GSE1: variants seen among roughly 807,000 people sequenced by gnomAD.
GSE1 encodes the protein genetic suppressor element 1.
GSE1 carries 32 observed loss-of-function variants against 112.6 expected under a neutral mutation model. The ratio of observed to expected loss-of-function variants is 0.28; its 90% CI spans 0.21 to 0.38. GSE1 has a LOEUF of 0.38. Ranked by LOEUF, GSE1 falls within the 10% of genes least tolerant of loss-of-function variation. The probability of loss-of-function intolerance (pLI) is 1.00; values close to 1 mark genes in which losing one functional copy is unlikely to be tolerated. For missense variants in GSE1, 2,348 were observed against 1,699.2 expected, an observed-to-expected ratio of 1.38 and a Z score of -6.71; for synonymous variants, 1,115 against 735.6, an observed-to-expected ratio of 1.52 and a Z score of -8.35.
intron 1 of GSE1, among the ~76,000 whole-genome samples, chr16:85,576,293 A>G (rs934737711): frequency 5.3e-5 from 8 of 152,240 alleles, no homozygotes; most frequent in Admixed American, 1.3e-4. Flanking sequence ...TTAAAGGGAC[A>G]TGGTCTCCGA....
chr16:85,666,643 G>C (rs1038295703), intron 13 of GSE1: 2 of 403,228 alleles, frequency 5.0e-6, no homozygotes, highest in African/African-American at 2.1e-5. Context: ...ACAGGCATTG[G>C]TTTTTGCAGA....
intron 1 of GSE1, among the ~76,000 whole-genome samples, chr16:85,263,094 G>A (rs1162943561): frequency 6.6e-6 from 1 of 151,942 alleles, no homozygotes; most frequent in Non-Finnish European, 1.5e-5. Flanking sequence ...GCTAATTAGC[G>A]ACGCGTAGTG....
At chr16:85,367,349 C>G (rs529732948) in intron 2 of GSE1, among the ~76,000 whole-genome samples, 87 of 152,342 alleles carry the variant, frequency 5.7e-4, no homozygotes, top group African/African-American at 2.0e-3. Context: ...CCTTTGTTCA[C>G]AAGTGTTGAT....
At chr16:85,645,798 T>G (rs2050806510) in intron 2 of GSE1, among the ~76,000 whole-genome samples, 1 of 152,210 alleles carries the variant, frequency 6.6e-6, no homozygotes, top group African/African-American at 2.4e-5. Flanking sequence ...AAAGGGCATC[T>G]ACCTGCTTCT....
At chr16:85,557,497 C>G (rs958087844) in intron 1 of GSE1, among the ~76,000 whole-genome samples, 1 of 151,738 alleles carries the variant, frequency 6.6e-6, no homozygotes, top group Non-Finnish European at 1.5e-5. Context: ...CTGCAGAAGA[C>G]GCTGCCCTGG....
chr16:85,666,816 C>G (rs2052900618), intron 13 of GSE1, among the ~76,000 whole-genome samples: 1 of 152,244 alleles, frequency 6.6e-6, no homozygotes, highest in African/African-American at 2.4e-5. Context: ...CACCACCAGC[C>G]CTCTGGATCC....
rs187286848 is a variant in GSE1 at position 85,469,773 on chromosome 16, C to T, written c.2464+112130C>T. 1.2e-3 allele frequency among the ~76,000 whole-genome samples: 177 copies of T among 152,274 alleles called. 2 individuals are homozygous for T. The highest frequency in any genetic ancestry group is 3.9e-3 in the African/African-American group (162 of 41,554). On this transcript the variant is annotated intron_variant, in intron 2 of 2. Transcript: ENST00000637419. ...GCTGACTGGAGGAAGGTCATTTTCC[C>T]GTCTGAAATGCGCCTTGCAAAAATC...
At chr16:85,349,332 A>C (rs1451581137) in intron 1 of GSE1, among the ~76,000 whole-genome samples, 2 of 152,176 alleles carry the variant, frequency 1.3e-5, no homozygotes, top group South Asian at 2.1e-4. Flanking sequence ...GGCTTCTGAC[A>C]CACTAGCTTG....
intron 1 of GSE1, among the ~76,000 whole-genome samples, chr16:85,273,349 G>C (rs996126644): frequency 6.6e-6 from 1 of 152,248 alleles, no homozygotes; most frequent in African/African-American, 2.4e-5. Flanking sequence ...AAGGGAACGT[G>C]TGCCCAGATG....
At chr16:85,624,144 GCCGTCCCACGGAAA>G (rs1220791339) in intron 1 of GSE1, among the ~76,000 whole-genome samples, 1 of 152,164 alleles carries the variant, frequency 6.6e-6, no homozygotes, top group Non-Finnish European at 1.5e-5. Context: ...GCCGCCACCC[GCCGTCCCACGGAAA>G]CTTGGAGACC....
At chr16:85,205,958 G>A (rs1350119373) in intron 1 of GSE1, among the ~76,000 whole-genome samples, 3 of 152,326 alleles carry the variant, frequency 2.0e-5, no homozygotes, top group South Asian at 2.1e-4. Context: ...CCTCCCTCAC[G>A]GAGCTTCCAG....
At chr16:85,212,266 C>T (rs1009241118) in intron 1 of GSE1, among the ~76,000 whole-genome samples, 1 of 152,068 alleles carries the variant, frequency 6.6e-6, no homozygotes, top group Non-Finnish European at 1.5e-5. Context: ...ATTAGCTGGG[C>T]ATGGTGGCAG....
Position 85,500,892 on chromosome 16 carries a change from A to C in GSE1, c.2465-133022A>C, listed in dbSNP as rs575157636. On this transcript the variant is annotated intron_variant, in intron 2 of 2. Coordinates refer to the GSE1 transcript ENST00000637419. ...CTTCCTCACAGTCTCTGCCTCTGTC[A>C]GCACGTGGCTGTCTTCCGTGTGTGT... Among the ~76,000 whole-genome samples the C allele has an allele frequency of 5.3e-5, 8 of 151,728 alleles. No homozygotes were observed. The South Asian group carries it at 1.7e-3, about 32-fold the overall frequency.
chr16:85,290,065 G>A (rs1004740852), intron 1 of GSE1, among the ~76,000 whole-genome samples: 1 of 152,202 alleles, frequency 6.6e-6, no homozygotes, highest in Non-Finnish European at 1.5e-5. Context: ...GAAGTGAGAC[G>A]ATGCCTCTTC....
intron 2 of GSE1, among the ~76,000 whole-genome samples, chr16:85,444,706 C>T (rs978307360): frequency 6.6e-6 from 1 of 151,862 alleles, no homozygotes; most frequent in Non-Finnish European, 1.5e-5. Flanking sequence ...TAGCCGGGCT[C>T]CGTGTTGCTA....
intron 1 of GSE1, among the ~76,000 whole-genome samples, chr16:85,613,752 C>T (rs2048163305): frequency 6.8e-6 from 1 of 147,952 alleles, no homozygotes; most frequent in Non-Finnish European, 1.5e-5. Context: ...GAGCTGCGGG[C>T]GCTGGAGAGC....
intron 2 of GSE1, among the ~76,000 whole-genome samples, chr16:85,496,786 A>G (rs2051194287): frequency 6.6e-6 from 1 of 152,156 alleles, no homozygotes; most frequent in Non-Finnish European, 1.5e-5. Flanking sequence ...GGGACCCAGG[A>G]CAGGCAGGGC....
At chr16:85,602,539 G>C (rs1380568080) in intron 1 of GSE1, among the ~76,000 whole-genome samples, 18 of 152,090 alleles carry the variant, frequency 1.2e-4, no homozygotes, top group Admixed American at 1.2e-3. Context: ...ACCCACATCT[G>C]TCCTGGGCCT....
chr16:85,403,985 G>A (rs2048181787), intron 2 of GSE1, among the ~76,000 whole-genome samples: 1 of 150,396 alleles, frequency 6.6e-6, no homozygotes, highest in South Asian at 2.1e-4. Flanking sequence ...AGCCTTCAGG[G>A]CAGGCATCTT....
Sources: allele counts gnomAD v4.1 joint callset (sites outside exome capture counted in the v4.1 genomes callset), GRCh38; gene constraint gnomAD v4.1.1; transcripts MANE v1.5; gene names NCBI Gene and HGNC (gene_info 2026-07-23, HGNC 2026-07-21).